The following LRRIQ3 variants were observed in gnomAD, a reference collection of about 807,000 sequenced individuals.
LRRIQ3 encodes leucine rich repeats and IQ motif containing 3, also known as leucine-rich repeat and IQ domain-containing protein 3.
LRRIQ3 carries 75 observed loss-of-function variants against 59.3 expected under a neutral mutation model. That is an observed-to-expected ratio of 1.26 (90% CI 1.05 to 1.53). The LOEUF (loss-of-function observed/expected upper bound fraction) is 1.53, where lower values mean the gene tolerates loss of function less well. LRRIQ3 is among the 40% of genes most tolerant of loss of function. The pLI, the probability that LRRIQ3 is intolerant of heterozygous loss-of-function variation, is 0.00. For synonymous variants in LRRIQ3, 250 were observed against 231.3 expected (o/e 1.08, Z -0.73); for missense variants, 831 against 710.0 (o/e 1.17, Z -1.94).
In LRRIQ3 at chr1:74,150,674, C is replaced by T. The variant is rs114507233; in HGVS notation, c.707+5059G>A. On this transcript the variant is annotated intron_variant, in intron 4 of 7. Transcript: ENST00000354431. The stretch of plus-strand genomic sequence containing the variant: ...CTGCAAAAAGAAATTTGCAACCATA[C>T]AATCAGACAATCAGAGTTAAACATT... 6.9e-3 allele frequency among the ~76,000 whole-genome samples: 1,048 copies of T among 152,186 alleles called. 13 individuals carry two copies. Among genetic ancestry groups the T allele is most frequent in the African/African-American group, 0.024 (1,011 of 41,514 alleles).
In LRRIQ3 at chr1:74,026,886, T is replaced by C; in HGVS notation, c.1802A>G (p.Gln601Arg). 2 of 1,607,972 alleles carry C rather than the reference T, an allele frequency of 1.2e-6. No homozygotes were observed. Among genetic ancestry groups the C allele is most frequent in the African/African-American group, 2.7e-5 (2 of 74,762 alleles). The change falls in exon 8 of 8, where the codon CAA (glutamine) becomes CGA (arginine). Residue 601 changes from glutamine (Q) to arginine (R), a missense_variant. Gln to Arg is a conservative substitution (Grantham distance 43). Transcript: ENST00000354431. ...AATTGCTACTTTTGTTTTAGCATCT[T>C]GAAGTCTTTCACAGGCTTTTTCAAA... Reference protein sequence around the residue: ...IAFEKACERLQDAKTKVAIVK... With the variant: ...IAFEKACERLRDAKTKVAIVK...
chr1:74,162,378 G>A (rs1648711331), intron 3 of LRRIQ3, among the ~76,000 whole-genome samples: 3 of 151,752 alleles, frequency 2.0e-5, no homozygotes, highest in Non-Finnish European at 4.4e-5. Context: ...TAAAGGCTTA[G>A]CAAAGAACAA....
intron 6 of LRRIQ3, chr1:74,050,541 C>A: frequency 2.0e-6 from 2 of 985,400 alleles, no homozygotes; most frequent in Non-Finnish European, 2.4e-6. Flanking sequence ...TTGTTTGATT[C>A]TTCTGAACGT....
intron 7 of LRRIQ3, among the ~76,000 whole-genome samples, chr1:74,029,029 A>G (rs913231695): frequency 2.6e-5 from 4 of 152,010 alleles, no homozygotes; most frequent in Non-Finnish European, 5.9e-5. Flanking sequence ...TAAAATAACT[A>G]TTTAAAAGTC....
chr1:74,078,318 G>A (rs1186734239), intron 5 of LRRIQ3, among the ~76,000 whole-genome samples: 4 of 151,670 alleles, frequency 2.6e-5, no homozygotes, highest in Non-Finnish European at 1.5e-5. Flanking sequence ...ATATAAATGA[G>A]AAGTAAAATA....
chr1:74,068,746 G>C (rs1654937975), intron 6 of LRRIQ3, among the ~76,000 whole-genome samples: 1 of 151,802 alleles, frequency 6.6e-6, no homozygotes, highest in South Asian at 2.1e-4. Flanking sequence ...TGCCTTAATT[G>C]CTCATCTGGA....
At chr1:74,185,673 G>C (rs1210847395) in intron 1 of LRRIQ3, among the ~76,000 whole-genome samples, 1 of 152,164 alleles carries the variant, frequency 6.6e-6, no homozygotes, top group East Asian at 1.9e-4. Flanking sequence ...GCCGGGCGCA[G>C]TGGCTCACGC....
At chr1:74,096,709 C>T (rs992456793) in intron 5 of LRRIQ3, among the ~76,000 whole-genome samples, 6 of 152,016 alleles carry the variant, frequency 3.9e-5, no homozygotes, top group African/African-American at 1.4e-4. Flanking sequence ...ATGATGGTGA[C>T]ATACAGATGG....
chr1:74,110,148 C>T (rs1646674656), intron 4 of LRRIQ3, among the ~76,000 whole-genome samples: 1 of 151,772 alleles, frequency 6.6e-6, no homozygotes, highest in South Asian at 2.1e-4. Flanking sequence ...TAAATGGCAT[C>T]TACAAGCTAA....
chr1:74,165,671 A>G (rs1648936776), intron 3 of LRRIQ3, among the ~76,000 whole-genome samples: 1 of 151,654 alleles, frequency 6.6e-6, no homozygotes, highest in Non-Finnish European at 1.5e-5. Flanking sequence ...ATAATGTGGG[A>G]AAAGTGTTCT....
intron 1 of LRRIQ3, among the ~76,000 whole-genome samples, chr1:74,195,848 T>C (rs966212746): frequency 2.0e-5 from 3 of 152,178 alleles, no homozygotes; most frequent in Non-Finnish European, 4.4e-5. Context: ...TTCTCTAGTA[T>C]AATAATACTC....
At chr1:74,171,590 T>G (rs1649324383) in intron 3 of LRRIQ3, among the ~76,000 whole-genome samples, 1 of 152,162 alleles carries the variant, frequency 6.6e-6, no homozygotes, top group Non-Finnish European at 1.5e-5. Context: ...TCATCACAGA[T>G]ATTGACCTGT....
At chr1:74,157,046 T>C (rs1228248021) in intron 3 of LRRIQ3, among the ~76,000 whole-genome samples, 1 of 152,162 alleles carries the variant, frequency 6.6e-6, no homozygotes, top group African/African-American at 2.4e-5. Flanking sequence ...CCTTGCAGAT[T>C]AGTGCCGCTT....
chr1:74,055,809 G>T (rs1361711033), intron 6 of LRRIQ3, among the ~76,000 whole-genome samples: 1 of 152,082 alleles, frequency 6.6e-6, no homozygotes, highest in Admixed American at 6.6e-5. Flanking sequence ...TGTATCAGAT[G>T]CAGGAAAAGC....
At chr1:74,181,416 T>C (rs1393464031) in intron 3 of LRRIQ3, 1 of 151,906 alleles carries the variant, frequency 6.6e-6, no homozygotes, top group African/African-American at 2.4e-5. Flanking sequence ...TTAATCTTCA[T>C]TATATTCATC....
At chr1:74,109,858 A>G (rs904462475) in intron 4 of LRRIQ3, among the ~76,000 whole-genome samples, 33 of 151,762 alleles carry the variant, frequency 2.2e-4, no homozygotes, top group African/African-American at 7.7e-4. Context: ...AATTATCTAT[A>G]GAAACATAAG....
At chr1:74,177,764 A>G (rs12078125) in intron 3 of LRRIQ3, among the ~76,000 whole-genome samples, 6,273 of 152,074 alleles carry the variant, frequency 0.041, 164 homozygotes, top group South Asian at 0.13. Flanking sequence ...AATACATAGT[A>G]ATTACTACTA....
chr1:74,074,343 C>T (rs1646175661), intron 6 of LRRIQ3, among the ~76,000 whole-genome samples: 1 of 152,042 alleles, frequency 6.6e-6, no homozygotes, highest in Non-Finnish European at 1.5e-5. Context: ...ATGAATTCTT[C>T]CAAAGCATGT....
chr1:74,163,892 G>A (rs979000766), intron 3 of LRRIQ3, among the ~76,000 whole-genome samples: 1 of 151,192 alleles, frequency 6.6e-6, no homozygotes, highest in Non-Finnish European at 1.5e-5. Context: ...CTGCATACAT[G>A]CCAGAATTTA....
Sources: allele counts gnomAD v4.1 joint callset (sites outside exome capture counted in the v4.1 genomes callset), GRCh38; gene constraint gnomAD v4.1.1; transcripts MANE v1.5; gene names NCBI Gene and HGNC (gene_info 2026-07-23, HGNC 2026-07-21).